Variants in RUFY2 observed in about 807,000 individuals in gnomAD.
The protein encoded by RUFY2 is RUN and FYVE domain-containing protein 2.
In RUFY2, 49 loss-of-function variants were observed where a neutral mutation model predicts 94.4. The observed-to-expected ratio is 0.52, with a 90% CI of 0.41 to 0.66. RUFY2 has a LOEUF of 0.66. RUFY2 is among the 30% of genes least tolerant of loss of function. RUFY2 has a pLI of 0.00. For missense variants in RUFY2, 541 were observed against 692.8 expected (o/e 0.78, Z 2.46); for synonymous variants, 255 against 235.7 (o/e 1.08, Z -0.75).
At chr10:68,379,845 T>C (rs1275559735) in intron 11 of RUFY2, among the ~76,000 whole-genome samples, 1 of 151,678 alleles carries the variant, frequency 6.6e-6, no homozygotes, top group African/African-American at 2.4e-5. Flanking sequence ...TCTCACTCTG[T>C]CGCCCAGGCT....
intron 16 of RUFY2, among the ~76,000 whole-genome samples, chr10:68,353,752 T>C (rs1397540137): frequency 6.6e-6 from 1 of 151,884 alleles, no homozygotes; most frequent in Non-Finnish European, 1.5e-5. Flanking sequence ...TGAACTATGA[T>C]TGTGCCACTG....
chr10:68,368,494 T>C (rs1301881022), intron 13 of RUFY2, among the ~76,000 whole-genome samples: 2 of 151,044 alleles, frequency 1.3e-5, no homozygotes, highest in South Asian at 2.1e-4. Flanking sequence ...ACCCTGTCTC[T>C]ACTAAAAATA....
At chr10:68,392,923 T>C (rs894696395) in intron 7 of RUFY2, among the ~76,000 whole-genome samples, 3 of 129,324 alleles carry the variant, frequency 2.3e-5, no homozygotes, top group African/African-American at 9.7e-5. Context: ...TGAGACTTCA[T>C]CTCAAAAAAA....
At chr10:68,380,985 A>T (rs1160180372) in intron 11 of RUFY2, among the ~76,000 whole-genome samples, 1 of 152,214 alleles carries the variant, frequency 6.6e-6, no homozygotes, top group Admixed American at 6.5e-5. Context: ...TTAAATTGAG[A>T]GTTTTCCCAA....
intron 15 of RUFY2, among the ~76,000 whole-genome samples, chr10:68,358,816 CAGG>C (rs1428621466): frequency 2.0e-5 from 3 of 152,074 alleles, no homozygotes; most frequent in Non-Finnish European, 2.9e-5. Context: ...GAGGCTGAGG[CAGG>C]AGAATCGCTT....
At chr10:68,388,700 G>A (rs992407396) in intron 7 of RUFY2, among the ~76,000 whole-genome samples, 15 of 151,774 alleles carry the variant, frequency 9.9e-5, no homozygotes, top group Admixed American at 3.9e-4. Flanking sequence ...GCTGGGTGTC[G>A]TGGCGCAAGC....
In RUFY2 at chr10:68,401,703, G is replaced by C; in HGVS notation, c.213C>G (p.Ile71Met). Residue 71 changes from isoleucine (I) to methionine (M), a missense_variant, in exon 3 of 18, where the codon ATC becomes ATG. By Grantham distance (10) the Ile-to-Met change is conservative (BLOSUM62 1). Coordinates refer to ENST00000602465, the MANE Select transcript of RUFY2 (RefSeq NM_001330103.2). ...TCTCCACCAGTTCCAAAGGGCCCCA[G>C]ATGGTTTTGTTGTAACTCAAAAATG... Reference protein sequence around the residue: ...RKSFLSYNKTIWGPLELVEKL... With the variant: ...RKSFLSYNKTMWGPLELVEKL... 6.2e-7 allele frequency: 1 copy of C among 1,613,664 alleles called. No individual in the cohort carries two copies. Among genetic ancestry groups the C allele is most frequent in the Non-Finnish European group, 8.5e-7 (1 of 1,179,622 alleles).
chr10:68,391,431 T>C (rs892588677), intron 7 of RUFY2, among the ~76,000 whole-genome samples: 1 of 151,984 alleles, frequency 6.6e-6, no homozygotes, highest in African/African-American at 2.4e-5. Flanking sequence ...GGAGGATTAC[T>C]TTAACCCAGG....
chr10:68,346,087 A>C lies in RUFY2; in HGVS notation c.1600-3T>G. The stretch of plus-strand genomic sequence containing the variant: ...TTGTCTTTCAGCCAAACCAGTCCCT[A>C]GTAGGAAGAAAATATTAATGCTCAA... On this transcript the variant is annotated splice_region_variant and splice_polypyrimidine_tract_variant and intron_variant, in intron 16 of 17. Transcript: ENST00000602465. The C allele has an allele frequency of 6.2e-7, 1 of 1,604,790 alleles. No individual in the cohort carries two copies. The highest frequency in any genetic ancestry group is 8.5e-7 in the Non-Finnish European group (1 of 1,176,420).
chr10:68,378,318 G>A (rs2048800927), intron 12 of RUFY2: 1 of 1,184,452 alleles, frequency 8.4e-7, no homozygotes. Context: ...TGAAAATCCT[G>A]ACCTCCAAAG....
At chr10:68,380,912 A>G (rs1001954664) in intron 11 of RUFY2, among the ~76,000 whole-genome samples, 3 of 152,160 alleles carry the variant, frequency 2.0e-5, no homozygotes, top group African/African-American at 7.2e-5. Flanking sequence ...TAGCATTTCA[A>G]TCAAAATTAA....
rs1589803150 is a variant in RUFY2 at position 68,358,888 on chromosome 10, G to A, written c.1551-3487C>T. On this transcript the variant is annotated intron_variant, in intron 15 of 17. Coordinates refer to ENST00000602465, the MANE Select transcript of RUFY2 (RefSeq NM_001330103.2). ...ATCACGCCACTGCACTCCAGCCTGG[G>A]CGACAGAGCAACACTCGGTCTTATG... Among the ~76,000 whole-genome samples, 11 of 152,166 alleles carry A rather than the reference G, an allele frequency of 7.2e-5. No individual in the cohort carries two copies. The South Asian group carries it at 2.3e-3, about 32-fold the overall frequency.
intron 10 of RUFY2, among the ~76,000 whole-genome samples, chr10:68,381,926 T>TTTA (rs2049089640): frequency 6.6e-6 from 1 of 152,210 alleles, no homozygotes. Flanking sequence ...CATTACTCTT[T>TTTA]AACGGTCCAA....
chr10:68,381,526 G>A lies in RUFY2; in HGVS notation c.940-127C>T, dbSNP rs940571474. On this transcript the variant is annotated intron_variant, in intron 10 of 17. Coordinates refer to ENST00000602465, the MANE Select transcript of RUFY2 (RefSeq NM_001330103.2). ...TAAGTCCACTAAAGGGAATCAACCA[G>A]GCCCTATAACAAGGCAATAAATATT... 1.1e-5 allele frequency: 9 copies of A among 807,434 alleles called. No individual in the cohort carries two copies. The Admixed American group carries it at 2.4e-4, about 21-fold the overall frequency. The allele number at this position is 807,434 out of a possible 1,614,324, so 50.0% of individuals were successfully genotyped here. A position where few individuals can be genotyped will look rare whatever the true frequency, so the allele number is the denominator to read the frequency against.
chr10:68,377,271 C>A, intron 12 of RUFY2: 2 of 1,176,852 alleles, frequency 1.7e-6, no homozygotes, highest in Non-Finnish European at 2.1e-6. Context: ...TTATGCAGAG[C>A]ATAACGAATC....
At chr10:68,363,459 C>T (rs771731630) in intron 15 of RUFY2, 131 bp downstream of exon 15, 6 of 560,714 alleles carry the variant, frequency 1.1e-5, no homozygotes, top group Admixed American at 3.6e-5. Context: ...GGATTACAGG[C>T]GTGAACCACC....
downstream of RUFY2, chr10:68,341,362 ATAAGAGGCTC>A (rs769095904): frequency 1.9e-4 from 297 of 1,550,296 alleles, no homozygotes; most frequent in Non-Finnish European, 2.5e-4. Flanking sequence ...AATTTATAAA[ATAAGAGGCTC>A]TAAGATCTGT....
At chr10:68,346,735 G>A (rs1366323333) in intron 16 of RUFY2, 1 of 152,188 alleles carries the variant, frequency 6.6e-6, no homozygotes, top group African/African-American at 2.4e-5. Flanking sequence ...GCACATCATG[G>A]AGAATGGGGT....
At chr10:68,371,131 C>CA (rs58880698) in intron 13 of RUFY2, among the ~76,000 whole-genome samples, 5,265 of 58,908 alleles carry the variant, frequency 0.089, 231 homozygotes, top group African/African-American at 0.1. Context: ...GGCTCTGTCT[C>CA]AAAAAAAAAA....
Sources: gnomAD v4.1 joint callset for allele counts (sites outside exome capture counted in the v4.1 genomes callset) on GRCh38, gnomAD v4.1.1 for gene constraint, MANE v1.5 for transcripts, NCBI Gene and HGNC (gene_info 2026-07-23, HGNC 2026-07-21) for gene names.